Variants in CFAP299 observed in about 807,000 individuals in gnomAD.
CFAP299 encodes cilia- and flagella-associated protein 299.
A neutral mutation model predicts 27.0 loss-of-function variants in CFAP299; 21 were observed. That is an observed-to-expected ratio of 0.78 (90% CI 0.55 to 1.12). The LOEUF (loss-of-function observed/expected upper bound fraction) is 1.12, where lower values mean the gene tolerates loss of function less well. Among genes scored for constraint, CFAP299 ranks in the 50% most tolerant of loss-of-function variants. The probability of loss-of-function intolerance (pLI) is 0.00; values close to 1 mark genes in which losing one functional copy is unlikely to be tolerated. For missense variants in CFAP299, 310 were observed against 276.6 expected (o/e 1.12, Z -0.86); for synonymous variants, 104 against 98.1 (o/e 1.06, Z -0.36).
chr4:80,597,649 A>C (rs1477027580), intron 3 of CFAP299, among the ~76,000 whole-genome samples: 1 of 151,898 alleles, frequency 6.6e-6, no homozygotes, highest in African/African-American at 2.4e-5. Context: ...TAGAAGTTTT[A>C]TTGTTTTTAT....
At chr4:80,815,448 C>T (rs1729374033) in intron 3 of CFAP299, among the ~76,000 whole-genome samples, 1 of 151,608 alleles carries the variant, frequency 6.6e-6, no homozygotes, top group Admixed American at 6.6e-5. Flanking sequence ...AAATTGTATA[C>T]CATCAATATG....
At chr4:80,354,265 A>G (rs1249361765) in intron 1 of CFAP299, among the ~76,000 whole-genome samples, 4 of 152,204 alleles carry the variant, frequency 2.6e-5, no homozygotes, top group Non-Finnish European at 5.9e-5. Flanking sequence ...AGGCACAATA[A>G]TTATGTACAA....
At chr4:80,897,460 T>C (rs866988800) in intron 4 of CFAP299, among the ~76,000 whole-genome samples, 25 of 152,192 alleles carry the variant, frequency 1.6e-4, no homozygotes, top group Admixed American at 1.4e-3. Flanking sequence ...CTGTTGAAGC[T>C]GGTTTAAGCA....
intron 2 of CFAP299, among the ~76,000 whole-genome samples, chr4:80,518,155 T>A (rs1732677767): frequency 6.6e-6 from 1 of 152,112 alleles, no homozygotes; most frequent in African/African-American, 2.4e-5. Context: ...GAGATTAAGA[T>A]TATTCATATG....
chr4:80,492,780 CATGGTTTCTACAGG>C (rs1731204328), intron 2 of CFAP299, among the ~76,000 whole-genome samples: 3 of 152,138 alleles, frequency 2.0e-5, no homozygotes, highest in African/African-American at 7.2e-5. Flanking sequence ...AGGCCTTTAT[CATGGTTTCTACAGG>C]AAAGGCAAAG....
intron 3 of CFAP299, among the ~76,000 whole-genome samples, chr4:80,739,150 A>G (rs185388881): frequency 1.3e-5 from 2 of 152,090 alleles, no homozygotes; most frequent in Admixed American, 6.5e-5. Context: ...ATTGGTTTTC[A>G]TTGGTTTATC....
intron 3 of CFAP299, chr4:80,608,239 A>G: frequency 7.8e-6 from 6 of 766,954 alleles, no homozygotes; most frequent in Non-Finnish European, 1.3e-5. Flanking sequence ...TTCCAACAGT[A>G]CCAGAGGGTG....
chr4:80,670,364 A>G (rs1306273811), intron 3 of CFAP299, among the ~76,000 whole-genome samples: 1 of 152,186 alleles, frequency 6.6e-6, no homozygotes, highest in Non-Finnish European at 1.5e-5. Context: ...TACATGTGCC[A>G]CAATTTCTTA....
At chr4:80,854,192 A>G (rs1032513728) in intron 3 of CFAP299, among the ~76,000 whole-genome samples, 1 of 152,204 alleles carries the variant, frequency 6.6e-6, no homozygotes, top group African/African-American at 2.4e-5. Flanking sequence ...GTGAACAATT[A>G]TGTCAAATGC....
At chr4:80,345,270 GTTA>G (rs552352955) in intron 1 of CFAP299, among the ~76,000 whole-genome samples, 1,695 of 150,614 alleles carry the variant, frequency 0.011, 12 homozygotes, top group African/African-American at 0.025. Flanking sequence ...GTTTCTTTTT[GTTA>G]TTATTATTAT....
At chr4:80,836,272 A>G (rs1392427221) in intron 3 of CFAP299, among the ~76,000 whole-genome samples, 1 of 152,212 alleles carries the variant, frequency 6.6e-6, no homozygotes, top group African/African-American at 2.4e-5. Context: ...ATTGCTTTCT[A>G]TGCTGCTTAT....
intron 4 of CFAP299, among the ~76,000 whole-genome samples, chr4:80,904,669 A>G (rs1735093530): frequency 6.6e-6 from 1 of 152,176 alleles, no homozygotes; most frequent in Admixed American, 6.5e-5. Context: ...CTGTAGGTCA[A>G]CCAGCTTCAA....
chr4:80,934,463 C>CAA lies in CFAP299; in HGVS notation c.477-10346_477-10345insAA, dbSNP rs377175986. Among the ~76,000 whole-genome samples, 615 of 151,936 alleles carry CAA rather than the reference C, an allele frequency of 4.0e-3. 1 individual carries two copies. Among genetic ancestry groups the CAA allele is most frequent in the Middle Eastern group, 0.014 (4 of 294 alleles). On this transcript the variant is annotated intron_variant, in intron 4 of 5. Coordinates refer to ENST00000358105, the MANE Select transcript of CFAP299 (RefSeq NM_152770.3). ...AATATTCCCTCCTATTCAATCTTTTCAGAGTTTAAAAGGATTGGTATTAAT... is the reference window on the plus strand; with the variant it reads ...AATATTCCCTCCTATTCAATCTTTTCAAAGAGTTTAAAAGGATTGGTATTAAT...
chr4:80,934,865 G>A (rs891275783), intron 4 of CFAP299, among the ~76,000 whole-genome samples: 1 of 151,708 alleles, frequency 6.6e-6, no homozygotes, highest in Admixed American at 6.6e-5. Flanking sequence ...TCTAATGTTT[G>A]TCTATTTCAT....
At chr4:80,738,649 C>A (rs1274594876) in intron 3 of CFAP299, among the ~76,000 whole-genome samples, 2 of 145,216 alleles carry the variant, frequency 1.4e-5, no homozygotes, top group Non-Finnish European at 3.0e-5. Context: ...TTGTAGGCAG[C>A]AAATCATTGG....
chr4:80,477,563 A>T (rs947537120), intron 2 of CFAP299, among the ~76,000 whole-genome samples: 2 of 152,050 alleles, frequency 1.3e-5, no homozygotes, highest in Admixed American at 6.5e-5. Context: ...CACACCTTAG[A>T]TCTTGATTTA....
chr4:80,355,357 T>C (rs1410918964), intron 1 of CFAP299, among the ~76,000 whole-genome samples: 1 of 141,836 alleles, frequency 7.1e-6, no homozygotes, highest in African/African-American at 2.6e-5. Flanking sequence ...TCCTTTGCTT[T>C]TTTTTTTTTT....
At chr4:80,661,697 C>A (rs1740858633) in intron 3 of CFAP299, among the ~76,000 whole-genome samples, 1 of 152,080 alleles carries the variant, frequency 6.6e-6, no homozygotes, top group South Asian at 2.1e-4. Context: ...GAAAAAAGAA[C>A]AGGACAACAG....
intron 2 of CFAP299, among the ~76,000 whole-genome samples, chr4:80,402,720 G>A (rs1209291773): frequency 1.3e-5 from 2 of 152,190 alleles, no homozygotes; most frequent in Non-Finnish European, 2.9e-5. Context: ...AGAGCAAACT[G>A]CTCTGGATTT....
Sources: allele counts gnomAD v4.1 joint callset (sites outside exome capture counted in the v4.1 genomes callset), GRCh38; gene constraint gnomAD v4.1.1; transcripts MANE v1.5; gene names NCBI Gene and HGNC (gene_info 2026-07-23, HGNC 2026-07-21).